The following CACUL1 variants were observed in gnomAD, a reference collection of about 807,000 sequenced individuals.
CACUL1 encodes the protein CDK2-associated and cullin domain-containing protein 1.
CACUL1 carries 13 observed loss-of-function variants against 45.2 expected under a neutral mutation model. That is an observed-to-expected ratio of 0.29 (90% CI 0.19 to 0.46). The LOEUF (loss-of-function observed/expected upper bound fraction) is 0.46, where lower values mean the gene tolerates loss of function less well. CACUL1 is among the 20% of genes least tolerant of loss of function. The pLI is 1.00. For missense variants in CACUL1, 421 were observed against 471.4 expected (o/e 0.89, Z 0.99); for synonymous variants, 197 against 174.2 (o/e 1.13, Z -1.03).
At position 118,738,892 on chromosome 10, in the gene CACUL1, T is replaced by TAAAAAA. The variant is rs150393133; in HGVS notation, c.368-8488_368-8483dup. ...AAAAAAGAAGTAATCCAAGTGCTCT[T>TAAAAAA]AAAAAAAAAAAAAAAAAAAAAAAGC... On this transcript the variant is annotated intron_variant, in intron 1 of 8. Coordinates refer to ENST00000369151, the MANE Select transcript of CACUL1 (RefSeq NM_153810.5). 6.4e-4 allele frequency among the ~76,000 whole-genome samples: 40 copies of TAAAAAA among 62,254 alleles called. 2 individuals carry two copies. The highest frequency in any genetic ancestry group is 1.0e-3 in the Non-Finnish European group (35 of 34,018). The allele number at this position is 62,254 out of a possible 152,430, so 40.8% of individuals were successfully genotyped here.
intron 1 of CACUL1, among the ~76,000 whole-genome samples, chr10:118,737,406 G>A (rs1845750314): frequency 6.6e-6 from 1 of 152,102 alleles, no homozygotes; most frequent in Non-Finnish European, 1.5e-5. Context: ...TGACACTGAT[G>A]TCTTATTTTT....
At position 118,682,769 on chromosome 10, in the gene CACUL1, G is replaced by A. The variant is rs1407357758; in HGVS notation, c.*3359C>T. On this transcript the variant is annotated 3_prime_UTR_variant, in exon 9 of 9. Coordinates refer to ENST00000369151, the MANE Select transcript of CACUL1 (RefSeq NM_153810.5). Reference sequence around the variant, plus strand: ...GTAGCTGCACAGTGTGAGCACTGGAGATGGATGTGCAGTGTGCAGTGTTCA... The same window carrying A: ...GTAGCTGCACAGTGTGAGCACTGGAAATGGATGTGCAGTGTGCAGTGTTCA... 1 of 152,698 alleles carries A rather than the reference G, an allele frequency of 6.5e-6. No individual in the cohort carries two copies. The highest frequency in any genetic ancestry group is 2.4e-5 in the African/African-American group (1 of 41,476). The allele number at this position is 152,698 out of a possible 1,614,324, so 9.5% of individuals were successfully genotyped here.
chr10:118,700,439 C>T (rs1845367598), intron 5 of CACUL1, among the ~76,000 whole-genome samples: 1 of 151,910 alleles, frequency 6.6e-6, no homozygotes, highest in Admixed American at 6.6e-5. Context: ...GAGGAGAGGC[C>T]AGGTGCAGTG....
intron 3 of CACUL1, 194 bp downstream of exon 3, chr10:118,729,101 C>T (rs989467543): frequency 2.0e-5 from 10 of 500,116 alleles, no homozygotes; most frequent in Admixed American, 4.0e-5. Flanking sequence ...CAAAAATTTC[C>T]ACAATTTATA....
chr10:118,729,124 A>G, intron 3 of CACUL1, 171 bp downstream of exon 3: 1 of 545,402 alleles, frequency 1.8e-6, no homozygotes, highest in Admixed American at 3.8e-5. Context: ...AAATTTTCAA[A>G]TTAACAATCT....
intron 7 of CACUL1, among the ~76,000 whole-genome samples, chr10:118,690,249 C>T (rs1313523388): frequency 1.5e-5 from 2 of 135,860 alleles, no homozygotes; most frequent in Non-Finnish European, 3.0e-5. Flanking sequence ...TGCAGTGAGC[C>T]GAGATTGCGC....
At chr10:118,737,312 C>CGGGTT in intron 1 of CACUL1, among the ~76,000 whole-genome samples, 1 of 152,160 alleles carries the variant, frequency 6.6e-6, no homozygotes. Flanking sequence ...AATTTAAACA[C>CGGGTT]TATGGACAAT....
intron 4 of CACUL1, among the ~76,000 whole-genome samples, chr10:118,706,932 A>C (rs1589607093): frequency 6.6e-6 from 1 of 152,224 alleles, no homozygotes; most frequent in Non-Finnish European, 1.5e-5. Flanking sequence ...TCTAATAAAG[A>C]AGAACGGGGA....
chr10:118,746,277 T>G (rs1410010045), intron 1 of CACUL1, among the ~76,000 whole-genome samples: 2 of 151,748 alleles, frequency 1.3e-5, no homozygotes, highest in Non-Finnish European at 2.9e-5. Flanking sequence ...ATGGACTAAA[T>G]AAGATTAATG....
chr10:118,720,982 C>T (rs943552075), intron 3 of CACUL1, among the ~76,000 whole-genome samples: 2 of 152,122 alleles, frequency 1.3e-5, no homozygotes, highest in Non-Finnish European at 2.9e-5. Flanking sequence ...GGGCTATTTA[C>T]CAGTTGCAAT....
intron 1 of CACUL1, among the ~76,000 whole-genome samples, chr10:118,733,123 G>C (rs956225762): frequency 6.6e-6 from 1 of 152,138 alleles, no homozygotes; most frequent in African/African-American, 2.4e-5. Context: ...CACAGGCTTC[G>C]CACTTTAGCA....
intron 3 of CACUL1, among the ~76,000 whole-genome samples, chr10:118,726,051 C>T (rs1845648964): frequency 1.3e-5 from 2 of 152,188 alleles, no homozygotes; most frequent in Non-Finnish European, 1.5e-5. Context: ...TGATTATCTG[C>T]CAAATGCAAC....
At chr10:118,732,054 A>G (rs1249433142) in intron 1 of CACUL1, among the ~76,000 whole-genome samples, 1 of 152,162 alleles carries the variant, frequency 6.6e-6, no homozygotes, top group African/African-American at 2.4e-5. Context: ...GCCATTGTAA[A>G]GACTTTGACT....
chr10:118,690,353 A>G (rs1328485757), intron 7 of CACUL1, among the ~76,000 whole-genome samples: 1 of 150,772 alleles, frequency 6.6e-6, no homozygotes, highest in Non-Finnish European at 1.5e-5. Context: ...ATAAAAATGG[A>G]AGCTATTACT....
intron 1 of CACUL1, among the ~76,000 whole-genome samples, chr10:118,735,307 T>A (rs1845730272): frequency 6.6e-6 from 1 of 152,174 alleles, no homozygotes; most frequent in South Asian, 2.1e-4. Flanking sequence ...AAGAATAAAT[T>A]CAGGAATTAT....
chr10:118,754,924 G>C lies in CACUL1; in HGVS notation c.-162C>G, dbSNP rs1207815309. ...AGGGTCTCTCGCTCTCCGCGGGGCC[G>C]ACTAGCTTGAAGACGCGGCTGACGG... is the stretch of plus-strand genomic sequence containing the variant. On this transcript the variant is annotated 5_prime_UTR_variant, in exon 1 of 9. Transcript: ENST00000369151. 8.0e-6 allele frequency: 8 copies of C among 996,130 alleles called. No individual in the cohort carries two copies. Among genetic ancestry groups the C allele is most frequent in the Non-Finnish European group, 9.8e-6 (7 of 717,942 alleles). The allele number at this position is 996,130 out of a possible 1,614,324, so 61.7% of individuals were successfully genotyped here.
At position 118,685,898 on chromosome 10, in the gene CACUL1, TAA is replaced by T. The variant is rs1845199681; in HGVS notation, c.*228_*229del. The stretch of plus-strand genomic sequence containing the variant: ...TCACAGAATCTGTAGATAAACTCAT[TAA>T]AAGATTGTCCCATTTCAAAATCACC... On this transcript the variant is annotated 3_prime_UTR_variant, in exon 9 of 9. Coordinates refer to ENST00000369151, the MANE Select transcript of CACUL1 (RefSeq NM_153810.5). The T allele has an allele frequency of 2.7e-6, 1 of 367,156 alleles. No homozygotes were observed. The highest frequency in any genetic ancestry group is 4.9e-6 in the Non-Finnish European group (1 of 204,592). The allele number at this position is 367,156 out of a possible 1,614,324, so 22.7% of individuals were successfully genotyped here. A position where few individuals can be genotyped will look rare whatever the true frequency, so the allele number is the denominator to read the frequency against.
At chr10:118,747,216 C>T (rs768308440) in intron 1 of CACUL1, among the ~76,000 whole-genome samples, 2 of 152,172 alleles carry the variant, frequency 1.3e-5, no homozygotes, top group Non-Finnish European at 2.9e-5. Context: ...AAAGGCTAAA[C>T]TTTAAAAGAC....
intron 3 of CACUL1, among the ~76,000 whole-genome samples, chr10:118,710,222 A>G (rs916472103): frequency 6.6e-6 from 1 of 151,760 alleles, no homozygotes; most frequent in Non-Finnish European, 1.5e-5. Flanking sequence ...CACCACACCC[A>G]GCGCATTTCT....
Sources: allele counts gnomAD v4.1 joint callset (sites outside exome capture counted in the v4.1 genomes callset), GRCh38; gene constraint gnomAD v4.1.1; transcripts MANE v1.5; gene names NCBI Gene and HGNC (gene_info 2026-07-23, HGNC 2026-07-21).